Variants in BICD2 observed in about 807,000 individuals in gnomAD.
BICD2 encodes the protein protein bicaudal D homolog 2.
In BICD2, 25 loss-of-function variants were observed where a neutral mutation model predicts 72.9. The ratio of observed to expected loss-of-function variants is 0.34; its 90% CI spans 0.25 to 0.48. BICD2 has a LOEUF of 0.48. Ranked by LOEUF, BICD2 falls within the 20% of genes least tolerant of loss-of-function variation. BICD2 has a pLI of 0.99. For synonymous variants in BICD2, 501 were observed against 516.1 expected (o/e 0.97, Z 0.40); for missense variants, 894 against 1,175.2 (o/e 0.76, Z 3.50).
chr9:92,714,835 T>C lies in BICD2; in HGVS notation c.*319A>G, dbSNP rs989021121. The C allele has an allele frequency of 9.1e-7, 1 of 1,096,110 alleles. No homozygotes were observed. Among genetic ancestry groups the C allele is most frequent in the African/African-American group, 1.6e-5 (1 of 60,832 alleles). The allele number at this position is 1,096,110 out of a possible 1,614,324, so 67.9% of individuals were successfully genotyped here. ...CAGGACCAGGACTCCTCCCTTGGGT[T>C]TCCCCACGGGTGCGCAGGGCTTAGA... On this transcript the variant is annotated 3_prime_UTR_variant, in exon 7 of 7. Coordinates refer to ENST00000356884, the MANE Select transcript of BICD2 (RefSeq NM_001003800.2).
intron 1 of BICD2, among the ~76,000 whole-genome samples, chr9:92,732,791 T>A (rs540483879): frequency 6.6e-6 from 1 of 152,224 alleles, no homozygotes; most frequent in African/African-American, 2.4e-5. Flanking sequence ...TGCATTGGTA[T>A]TTAAAGATAT....
intron 2 of BICD2, among the ~76,000 whole-genome samples, chr9:92,726,195 G>A (rs1853564936): frequency 6.6e-6 from 1 of 152,196 alleles, no homozygotes; most frequent in Non-Finnish European, 1.5e-5. Flanking sequence ...CTTCACATCT[G>A]ACGAGATACC....
Position 92,720,393 on chromosome 9 carries a change from C to T in BICD2, c.969G>A (p.Glu323=), listed in dbSNP as rs752952319. ...LDNKTSTPKK[E]GLAPPSPSLV... ...GGCTGGGGGAGGGCGGTGCGAGGCC[C>T]TCCTTCTTGGGCGTGGAGGTCTTGT... The change falls in exon 4 of 7, where the codon GAG becomes GAA. Residue 323 remains glutamate, a synonymous_variant. Transcript: ENST00000356884. This position sits in a 1 kb window ranked among gnomAD's most constrained non-coding sequence, Gnocchi z 5.4. 1.9e-6 allele frequency: 3 copies of T among 1,614,012 alleles called. No homozygotes were observed. The highest frequency in any genetic ancestry group is 1.3e-5 in the African/African-American group (1 of 74,920).
At chr9:92,729,811 C>G (rs995881021) in intron 1 of BICD2, among the ~76,000 whole-genome samples, 1 of 152,240 alleles carries the variant, frequency 6.6e-6, no homozygotes, top group Non-Finnish European at 1.5e-5. Context: ...GGCTCAGAAG[C>G]CAAGATACCA....
At position 92,764,199 on chromosome 9, in the gene BICD2, G is replaced by C. The variant is rs1369766958; in HGVS notation, c.240+306C>G. Among the ~76,000 whole-genome samples the C allele has an allele frequency of 1.4e-5, 2 of 147,330 alleles. No homozygotes were observed. Among genetic ancestry groups the C allele is most frequent in the South Asian group, 4.7e-4 (2 of 4,254 alleles). On this transcript the variant is annotated intron_variant, in intron 1 of 6. Coordinates refer to ENST00000356884, the MANE Select transcript of BICD2 (RefSeq NM_001003800.2). This position sits in a 1 kb window ranked among gnomAD's most constrained non-coding sequence, Gnocchi z 5.5. ...CACCCGGAACAGCGACCACCGCAAA[G>C]CATCAGCCCTTACGAAGCCCCGCCC...
chr9:92,729,934 G>T (rs1018073659), intron 1 of BICD2, among the ~76,000 whole-genome samples: 2 of 152,218 alleles, frequency 1.3e-5, no homozygotes, highest in African/African-American at 4.8e-5. Context: ...CCAGAAAGGG[G>T]TGCTCACCTA....
chr9:92,719,321 C>T lies in BICD2; in HGVS notation c.1324G>A (p.Ala442Thr). The change falls in exon 5 of 7, where the codon GCT (alanine) becomes ACT (threonine). Residue 442 changes from alanine to threonine, a missense_variant. Transcript: ENST00000356884. ...PEILACKYHV[A>T]VAEAGELREQ... The stretch of plus-strand genomic sequence containing the variant: ...CGGAGCTCGCCAGCCTCAGCCACAG[C>T]CACATGGTACTTGCAGGCCAAGATC... The T allele has an allele frequency of 6.2e-7, 1 of 1,614,174 alleles. No individual in the cohort carries two copies. The highest frequency in any genetic ancestry group is 8.5e-7 in the Non-Finnish European group (1 of 1,180,028).
At chr9:92,735,899 G>A (rs1407334129) in intron 1 of BICD2, among the ~76,000 whole-genome samples, 1 of 152,198 alleles carries the variant, frequency 6.6e-6, no homozygotes, top group Non-Finnish European at 1.5e-5. Context: ...CAGGCTCTGG[G>A]TGGCCCCTCT....
rs552121075 is a variant in BICD2, at chr9:92,764,019, C to T, written c.240+486G>A. Reference sequence around the variant, plus strand: ...AGCAGAAACGCTCCGAAAGTAGCTGCGCCCAGAGAGGGGAAGTGCTTTCTC... The same window carrying T: ...AGCAGAAACGCTCCGAAAGTAGCTGTGCCCAGAGAGGGGAAGTGCTTTCTC... On this transcript the variant is annotated intron_variant, in intron 1 of 6. Transcript: ENST00000356884. The surrounding 1 kb of genome is among the most constrained non-coding windows in gnomAD (Gnocchi z 5.5). Among the ~76,000 whole-genome samples the T allele has an allele frequency of 9.8e-5, 15 of 152,320 alleles. No individual in the cohort carries two copies. The highest frequency in any genetic ancestry group is 3.4e-4 in the African/African-American group (14 of 41,564).
In BICD2 at chr9:92,719,269, G is replaced by T. The variant is rs777065935; in HGVS notation, c.1376C>A (p.Thr459Lys). 1 of 1,613,652 alleles carries T rather than the reference G, an allele frequency of 6.2e-7. No homozygotes were observed. Among genetic ancestry groups the T allele is most frequent in the Non-Finnish European group, 8.5e-7 (1 of 1,180,018 alleles). ...GTGCTGGGCCTCACGAGCCTCGTGC[G>T]TGCTGCGCAGTGCCTTGAGCTGCTC... ...LREQLKALRSTHEAREAQHAE... is the reference protein window; with the variant it reads ...LREQLKALRSKHEAREAQHAE... Residue 459 changes from threonine to lysine, a missense_variant, in exon 5 of 7, where the codon ACG becomes AAG. Coordinates refer to ENST00000356884, the MANE Select transcript of BICD2 (RefSeq NM_001003800.2).
At chr9:92,716,545 C>T (rs1459011407) in intron 6 of BICD2, among the ~76,000 whole-genome samples, 3 of 152,172 alleles carry the variant, frequency 2.0e-5, no homozygotes, top group African/African-American at 7.2e-5. Flanking sequence ...CAGTTCCCAC[C>T]CTGTCCAGCT....
In BICD2 at chr9:92,756,688, G is replaced by A. The variant is rs1020761350; in HGVS notation, c.240+7817C>T. ...GAGTTCAAGACCTGCCTAACAGGAT[G>A]AAACCCTGTCTCTACTAAAAATACA... is the stretch of plus-strand genomic sequence containing the variant. On this transcript the variant is annotated intron_variant, in intron 1 of 6. Coordinates refer to ENST00000356884, the MANE Select transcript of BICD2 (RefSeq NM_001003800.2). Among the ~76,000 whole-genome samples the A allele has an allele frequency of 2.0e-5, 3 of 150,876 alleles. No individual in the cohort carries two copies. The East Asian group carries it at 6.0e-4, about 30-fold the overall frequency.
chr9:92,718,394 G>T, intron 5 of BICD2, 145 bp downstream of exon 5: 1 of 975,452 alleles, frequency 1.0e-6, no homozygotes, highest in Non-Finnish European at 1.5e-6. Context: ...GGGAGGGTAG[G>T]CAGTCGAGCT....
At chr9:92,743,968 A>C (rs917486373) in intron 1 of BICD2, among the ~76,000 whole-genome samples, 1 of 152,212 alleles carries the variant, frequency 6.6e-6, no homozygotes, top group Non-Finnish European at 1.5e-5. Context: ...CTAGTACATA[A>C]ATCAGTAACA....
Position 92,722,824 on chromosome 9 carries a change from G to A in BICD2, c.454-16C>T. 1 of 1,613,942 alleles carries A rather than the reference G, an allele frequency of 6.2e-7. No individual in the cohort carries two copies. Among genetic ancestry groups the A allele is most frequent in the Non-Finnish European group, 8.5e-7 (1 of 1,180,010 alleles). ...TCTGGTTGATCTGTTGGGGGAGAGG[G>A]AAAGGCAGGTATGAGCAGCCTCCAC... On this transcript the variant is annotated splice_polypyrimidine_tract_variant and intron_variant, in intron 2 of 6. Transcript: ENST00000356884.
intron 6 of BICD2, among the ~76,000 whole-genome samples, chr9:92,717,110 T>A (rs1405958550): frequency 6.6e-6 from 1 of 152,214 alleles, no homozygotes; most frequent in Non-Finnish European, 1.5e-5. Context: ...TACACACTTG[T>A]GCCATATGGC....
chr9:92,764,383 C>T lies in BICD2; in HGVS notation c.240+122G>A. 3.8e-6 allele frequency: 5 copies of T among 1,313,926 alleles called. No individual in the cohort carries two copies. The highest frequency in any genetic ancestry group is 4.9e-6 in the Non-Finnish European group (5 of 1,023,974). The allele number at this position is 1,313,926 out of a possible 1,614,324, so 81.4% of individuals were successfully genotyped here. ...ACATACTGCCCGTGCCCCCTCCGCCCCGGCGGCCCACCCCTGCCGGCCCCC... is the reference window on the plus strand; with the variant it reads ...ACATACTGCCCGTGCCCCCTCCGCCTCGGCGGCCCACCCCTGCCGGCCCCC... On this transcript the variant is annotated intron_variant, in intron 1 of 6. Transcript: ENST00000356884. The surrounding 1 kb of genome is among the most constrained non-coding windows in gnomAD (Gnocchi z 5.5).
Position 92,712,101 on chromosome 9 carries a change from G to A in BICD2, c.*3053C>T, listed in dbSNP as rs577136018. 9 of 152,578 alleles carry A rather than the reference G, an allele frequency of 5.9e-5. No individual in the cohort carries two copies. The highest frequency in any genetic ancestry group is 1.9e-4 in the African/African-American group (8 of 41,438). 9.5% of individuals were successfully genotyped at this position (152,578 alleles called of 1,614,324 possible). A position where few individuals can be genotyped will look rare whatever the true frequency, so the allele number is the denominator to read the frequency against. On this transcript the variant is annotated 3_prime_UTR_variant, in exon 7 of 7. Coordinates refer to ENST00000356884, the MANE Select transcript of BICD2 (RefSeq NM_001003800.2). ...CCCCTACTGCGCATGCCAACACAGCGTCGGCCCTCCTGATACCCTCAGCTC... is the reference window on the plus strand; with the variant it reads ...CCCCTACTGCGCATGCCAACACAGCATCGGCCCTCCTGATACCCTCAGCTC...
chr9:92,718,118 G>A (rs1440871515), intron 5 of BICD2, among the ~76,000 whole-genome samples, 170 bp from the exon 6 acceptor site: 2 of 152,192 alleles, frequency 1.3e-5, no homozygotes, highest in African/African-American at 2.4e-5. Context: ...CAGCAGCTAC[G>A]CCATGGGGAG....
Sources: allele counts gnomAD v4.1 joint callset (sites outside exome capture counted in the v4.1 genomes callset), GRCh38; gene constraint gnomAD v4.1.1; non-coding constraint Gnocchi (gnomAD v3.1); transcripts MANE v1.5; gene names NCBI Gene and HGNC (gene_info 2026-07-23, HGNC 2026-07-21).